Variants in PLD5 observed in about 807,000 individuals in gnomAD.
PLD5 encodes phospholipase D family member 5.
PLD5 carries 36 observed loss-of-function variants against 61.1 expected under a neutral mutation model. That is an observed-to-expected ratio of 0.59 (90% confidence interval 0.45 to 0.78). The LOEUF (loss-of-function observed/expected upper bound fraction) is 0.78. Among genes scored for constraint, PLD5 ranks in the 30% least tolerant of loss-of-function variants. The probability of loss-of-function intolerance (pLI) is 0.00; values close to 1 mark genes in which losing one functional copy is unlikely to be tolerated. For synonymous variants in PLD5, 243 were observed against 242.8 expected (o/e 1.00, Z -0.01); for missense variants, 515 against 644.4 (o/e 0.80, Z 2.17).
Position 242,158,438 on chromosome 1 carries a change from G to T in PLD5, c.736-33773C>A, listed in dbSNP as rs140385923. On this transcript the variant is annotated intron_variant, in intron 5 of 9. Transcript: ENST00000536534. Reference sequence around the variant, plus strand: ...TCTGCTTGAAACCCAGGGCCCTGGTGGGGTAGGCACCAGAGGGAATCTCCT... The same window carrying T: ...TCTGCTTGAAACCCAGGGCCCTGGTTGGGTAGGCACCAGAGGGAATCTCCT... 1.7e-4 allele frequency among the ~76,000 whole-genome samples: 26 copies of T among 152,218 alleles called. 1 individual carries two copies. The highest frequency in any genetic ancestry group is 3.9e-4 in the East Asian group (2 of 5,168).
intron 1 of PLD5, among the ~76,000 whole-genome samples, chr1:242,362,764 A>G (rs1319968287): frequency 6.6e-6 from 1 of 151,990 alleles, no homozygotes; most frequent in Non-Finnish European, 1.5e-5. Flanking sequence ...ATATATTTCC[A>G]TGTTCCTTAG....
intron 3 of PLD5, among the ~76,000 whole-genome samples, chr1:242,267,754 G>T (rs1673780331): frequency 6.6e-6 from 1 of 151,264 alleles, no homozygotes; most frequent in Admixed American, 6.6e-5. Context: ...AGGCATGATG[G>T]TGCACGCCTG....
chr1:242,521,319 C>A (rs1669274072), intron 1 of PLD5, among the ~76,000 whole-genome samples: 1 of 152,160 alleles, frequency 6.6e-6, no homozygotes, highest in African/African-American at 2.4e-5. Context: ...GCCCAGCAGC[C>A]TTTAAATCAG....
At chr1:242,383,027 G>A (rs1360190745) in intron 1 of PLD5, among the ~76,000 whole-genome samples, 1 of 152,132 alleles carries the variant, frequency 6.6e-6, no homozygotes, top group African/African-American at 2.4e-5. Flanking sequence ...AGAAACAAAT[G>A]TCAGCTGTCT....
intron 3 of PLD5, among the ~76,000 whole-genome samples, chr1:242,279,174 G>C (rs1410453462): frequency 1.3e-5 from 2 of 152,198 alleles, no homozygotes; most frequent in Non-Finnish European, 2.9e-5. Flanking sequence ...CACTACTGAG[G>C]GAACAATTGC....
intron 4 of PLD5, among the ~76,000 whole-genome samples, chr1:242,237,698 T>C (rs1307906358): frequency 1.3e-5 from 2 of 152,196 alleles, no homozygotes; most frequent in African/African-American, 2.4e-5. Context: ...ATGGATGCCA[T>C]GTAGGCCAGA....
intron 2 of PLD5, among the ~76,000 whole-genome samples, chr1:242,294,550 G>C (rs1156275614): frequency 1.3e-5 from 2 of 152,060 alleles, no homozygotes; most frequent in Admixed American, 6.6e-5. Context: ...CTTGATTTTG[G>C]CATTATTGTA....
In PLD5 at chr1:242,196,687, C is replaced by T. The variant is rs112784744; in HGVS notation, c.735+23301G>A. On this transcript the variant is annotated intron_variant, in intron 5 of 9. Coordinates refer to ENST00000536534, the MANE Select transcript of PLD5 (RefSeq NM_001372062.1). ...ATAGCTATATTTAAATATATGTGCA[C>T]ACTGTACACTAACAAAGAAATACAT... Among the ~76,000 whole-genome samples, 1,232 of 152,064 alleles carry T rather than the reference C, an allele frequency of 8.1e-3. 20 individuals are homozygous for T. Among genetic ancestry groups the T allele is most frequent in the African/African-American group, 0.027 (1,099 of 41,404 alleles).
chr1:242,484,856 C>T (rs540041483), intron 1 of PLD5, among the ~76,000 whole-genome samples: 9 of 152,298 alleles, frequency 5.9e-5, no homozygotes, highest in African/African-American at 2.2e-4. Context: ...AAAAGCTTAT[C>T]CACCATGATC....
chr1:242,244,841 G>A lies in PLD5; in HGVS notation c.607+20496C>T, dbSNP rs143328223. ...GCTATCTTTTTCTAAGCAAGACTCA[G>A]TAACAACCAATCAGAAAATAAAGTT... On this transcript the variant is annotated intron_variant, in intron 4 of 9. Transcript: ENST00000536534. Among the ~76,000 whole-genome samples the A allele has an allele frequency of 4.6e-5, 7 of 152,312 alleles. No individual in the cohort carries two copies. In the East Asian group the frequency reaches 1.3e-3, roughly 29 times the overall value.
chr1:242,223,376 T>G (rs1030365277), intron 4 of PLD5, among the ~76,000 whole-genome samples: 5 of 152,182 alleles, frequency 3.3e-5, no homozygotes, highest in African/African-American at 1.2e-4. Context: ...GCTCCAGTCC[T>G]GCTGCTCAGA....
intron 5 of PLD5, among the ~76,000 whole-genome samples, chr1:242,167,090 A>AT (rs1373292664): frequency 7.1e-6 from 1 of 141,680 alleles, no homozygotes; most frequent in Admixed American, 7.4e-5. Context: ...AATAATAATA[A>AT]TAATAATAAT....
chr1:242,435,290 G>GGAGAAAA (rs1665936623), intron 1 of PLD5, among the ~76,000 whole-genome samples: 1 of 149,294 alleles, frequency 6.7e-6, no homozygotes, highest in African/African-American at 2.6e-5. Context: ...CCTAGTGCAT[G>GGAGAAAA]CGCTCCCAGT....
At chr1:242,098,570 T>C (rs1017939539) in intron 9 of PLD5, among the ~76,000 whole-genome samples, 1 of 152,180 alleles carries the variant, frequency 6.6e-6, no homozygotes, top group Non-Finnish European at 1.5e-5. Context: ...GTCAAAGTCA[T>C]TCTCCATCCA....
intron 1 of PLD5, among the ~76,000 whole-genome samples, chr1:242,437,329 C>T (rs1666044620): frequency 6.6e-6 from 1 of 152,162 alleles, no homozygotes. Context: ...ATGGCACCGA[C>T]CGCCTGCCAA....
intron 1 of PLD5, among the ~76,000 whole-genome samples, chr1:242,436,870 C>T (rs1370093684): frequency 6.6e-6 from 1 of 152,182 alleles, no homozygotes; most frequent in East Asian, 1.9e-4. Flanking sequence ...AATATTTATT[C>T]TAAGACATTT....
At chr1:242,097,937 AG>A (rs1660377191) in intron 9 of PLD5, among the ~76,000 whole-genome samples, 1 of 152,178 alleles carries the variant, frequency 6.6e-6, no homozygotes, top group African/African-American at 2.4e-5. Flanking sequence ...GGTGTAAGGA[AG>A]GGATCCAGTT....
intron 1 of PLD5, among the ~76,000 whole-genome samples, chr1:242,383,050 T>C (rs1662390113): frequency 6.6e-6 from 1 of 152,184 alleles, no homozygotes; most frequent in Non-Finnish European, 1.5e-5. Context: ...CAAATGTAGA[T>C]CTACTACATC....
In PLD5 at chr1:242,496,178, GA is replaced by G. The variant is rs71769359; in HGVS notation, c.189+27909del. Reference sequence around the variant, plus strand: ...CAACCAGAAAATGTTTGCAATGGGGGAAAAAAATCAGAGAACTAAAATAAGC... The same window carrying G: ...CAACCAGAAAATGTTTGCAATGGGGGAAAAAATCAGAGAACTAAAATAAGC... On this transcript the variant is annotated intron_variant, in intron 1 of 9. Coordinates refer to ENST00000536534, the MANE Select transcript of PLD5 (RefSeq NM_001372062.1). Among the ~76,000 whole-genome samples the G allele has an allele frequency of 3.7e-3, 566 of 151,718 alleles. 2 individuals carry two copies. The highest frequency in any genetic ancestry group is 5.2e-3 in the African/African-American group (215 of 41,360).
Sources: allele counts gnomAD v4.1 joint callset (sites outside exome capture counted in the v4.1 genomes callset), GRCh38; gene constraint gnomAD v4.1.1; transcripts MANE v1.5; gene names NCBI Gene and HGNC (gene_info 2026-07-23, HGNC 2026-07-21).